The following ETV3 variants were observed in gnomAD, a reference collection of about 807,000 sequenced individuals.
ETV3 encodes the protein ETS variant transcription factor 3, also known as ETS translocation variant 3.
ETV3 carries 8 observed loss-of-function variants against 33.0 expected under a neutral mutation model. That is an observed-to-expected ratio of 0.24 (90% CI 0.14 to 0.44). ETV3 has a LOEUF of 0.44. Among genes scored for constraint, ETV3 ranks in the 20% least tolerant of loss-of-function variants. The pLI, the probability that ETV3 is intolerant of heterozygous loss-of-function variation, is 1.00. For missense variants in ETV3, 473 were observed against 652.3 expected, an observed-to-expected ratio of 0.73 and a Z score of 2.99; for synonymous variants, 222 against 238.9, an observed-to-expected ratio of 0.93 and a Z score of 0.65.
intron 4 of ETV3, among the ~76,000 whole-genome samples, chr1:157,132,223 T>C (rs1571700168): frequency 6.6e-6 from 1 of 152,250 alleles, no homozygotes; most frequent in Non-Finnish European, 1.5e-5. Context: ...GTTGGGATTA[T>C]AGGCATGAGC....
chr1:157,126,676 C>A (rs1015607601), intron 4 of ETV3, among the ~76,000 whole-genome samples: 1 of 152,188 alleles, frequency 6.6e-6, no homozygotes, highest in African/African-American at 2.4e-5. Context: ...CAGAGCTGCC[C>A]TGGCTGACTG....
Position 157,125,558 on chromosome 1 carries a change from G to C in ETV3, c.822C>G (p.Phe274Leu). The change falls in exon 5 of 5, where the codon TTC becomes TTG. Residue 274 changes from phenylalanine (F) to leucine (L), a missense_variant. Phe to Leu is a conservative substitution (Grantham distance 22). This residue lies in a region of ETV3 where 410 missense variants were observed against 520.2 expected (regional missense o/e 0.79). Transcript: ENST00000368192. This position sits in a 1 kb window ranked among gnomAD's most constrained non-coding sequence, Gnocchi z 4.0. ...TCAGGCCTGGTGATGGGCTATAGGA[G>C]AAGATGGTGGGAGTCAGGGAGAGGG... ...SPALSLTPTI[F>L]SYSPSPGLSP... 6.4e-7 allele frequency: 1 copy of C among 1,551,988 alleles called. No individual in the cohort carries two copies. Among genetic ancestry groups the C allele is most frequent in the Non-Finnish European group, 8.7e-7 (1 of 1,147,056 alleles).
chr1:157,136,249 G>T (rs1029826002), intron 2 of ETV3, 58 bp downstream of exon 2: 1 of 1,517,696 alleles, frequency 6.6e-7, no homozygotes, highest in Non-Finnish European at 9.2e-7. Flanking sequence ...AAGTGGAGAG[G>T]ACAGGAACCA....
chr1:157,128,450 G>C, intron 4 of ETV3: 1 of 328,862 alleles, frequency 3.0e-6, no homozygotes, highest in Non-Finnish European at 6.2e-6. Context: ...CACGAGACTG[G>C]GCCTAATCTC....
intron 1 of ETV3, among the ~76,000 whole-genome samples, chr1:157,137,874 A>G (rs1017487176): frequency 2.0e-5 from 3 of 152,138 alleles, no homozygotes; most frequent in East Asian, 3.9e-4. Context: ...CGCCTTTCGC[A>G]TATTCACTGC....
At chr1:157,135,800 A>G in intron 2 of ETV3, 92 bp from the exon 3 acceptor site, 1 of 1,301,818 alleles carries the variant, frequency 7.7e-7, no homozygotes, top group South Asian at 1.3e-5. Context: ...CTCAGAATCT[A>G]GAGTGCTTTG....
At chr1:157,133,853 A>G (rs1307256336) in intron 4 of ETV3, 1 of 1,273,546 alleles carries the variant, frequency 7.9e-7, no homozygotes. Context: ...AGATAGCGTA[A>G]TAGTATCTAG....
chr1:157,132,133 C>G (rs2182464), intron 4 of ETV3, among the ~76,000 whole-genome samples: 111,053 of 152,132 alleles, frequency 0.73, 41,593 homozygotes, highest in African/African-American at 0.89. Context: ...TTTTAGTAGA[C>G]ATGGGGGTTT....
intron 4 of ETV3, among the ~76,000 whole-genome samples, chr1:157,128,198 G>A (rs1276915054): frequency 1.3e-5 from 2 of 152,056 alleles, no homozygotes; most frequent in Non-Finnish European, 2.9e-5. Context: ...CTGGGTGCAT[G>A]GGACTGAGTA....
chr1:157,121,945 A>G lies in ETV3; in HGVS notation c.*2896T>C, dbSNP rs1029176075. Reference sequence around the variant, plus strand: ...ATTCTTCAGGAAAAAAGGTGAGCTCAGCAAGGCTGGATGCCATTAAGAGAT... The same window carrying G: ...ATTCTTCAGGAAAAAAGGTGAGCTCGGCAAGGCTGGATGCCATTAAGAGAT... On this transcript the variant is annotated 3_prime_UTR_variant, in exon 5 of 5. Coordinates refer to ENST00000368192, the MANE Select transcript of ETV3 (RefSeq NM_001145312.3). 2.6e-5 allele frequency: 4 copies of G among 152,264 alleles called. No individual in the cohort carries two copies. Among genetic ancestry groups the G allele is most frequent in the African/African-American group, 9.6e-5 (4 of 41,470 alleles). The allele number at this position is 152,264 out of a possible 1,614,324, so 9.4% of individuals were successfully genotyped here.
At chr1:157,127,246 T>A (rs1433351718) in intron 4 of ETV3, among the ~76,000 whole-genome samples, 1 of 152,268 alleles carries the variant, frequency 6.6e-6, no homozygotes. Context: ...ACACTGACCA[T>A]GTTTTAGTAA....
At chr1:157,132,194 G>T (rs935474412) in intron 4 of ETV3, among the ~76,000 whole-genome samples, 1 of 152,164 alleles carries the variant, frequency 6.6e-6, no homozygotes, top group Non-Finnish European at 1.5e-5. Context: ...GTGATCTGCC[G>T]GCCTTGGCCT....
intron 4 of ETV3, among the ~76,000 whole-genome samples, chr1:157,129,682 A>C (rs933593332): frequency 6.6e-6 from 1 of 152,194 alleles, no homozygotes; most frequent in Admixed American, 6.5e-5. Context: ...TACAGTGGCT[A>C]CAATTCTACC....
At chr1:157,126,031 A>G (rs542245979) in intron 4 of ETV3, 52 bp from the exon 5 acceptor site, 17 of 1,436,504 alleles carry the variant, frequency 1.2e-5, no homozygotes, top group Non-Finnish European at 1.6e-5. Flanking sequence ...CTCATTCATT[A>G]TCATCACTTA....
Position 157,125,315 on chromosome 1 carries a change from G to C in ETV3, c.1065C>G (p.Asn355Lys). ...KLQPPPVGRK[N>K]RERVESSEES... ...CCTCGCTGCTCTCAACCCTCTCCCGGTTCTTCCGCCCAACTGGTGGGGGCT... is the reference window on the plus strand; with the variant it reads ...CCTCGCTGCTCTCAACCCTCTCCCGCTTCTTCCGCCCAACTGGTGGGGGCT... Residue 355 changes from asparagine to lysine, a missense_variant, in exon 5 of 5, where the codon AAC (asparagine) becomes AAG (lysine). By Grantham distance (94) the Asn-to-Lys change is moderately conservative (BLOSUM62 0). Transcript: ENST00000368192. This position sits in a 1 kb window ranked among gnomAD's most constrained non-coding sequence, Gnocchi z 4.0. The C allele has an allele frequency of 6.4e-7, 1 of 1,551,972 alleles. No individual in the cohort carries two copies. Among genetic ancestry groups the C allele is most frequent in the Non-Finnish European group, 8.7e-7 (1 of 1,147,076 alleles).
chr1:157,135,392 C>G, intron 3 of ETV3, 79 bp downstream of exon 3: 1 of 1,518,070 alleles, frequency 6.6e-7, no homozygotes, highest in Non-Finnish European at 9.0e-7. Context: ...TTACCTGATA[C>G]CCTTTTTATC....
intron 4 of ETV3, among the ~76,000 whole-genome samples, chr1:157,131,422 G>A (rs1479989492): frequency 6.6e-6 from 1 of 152,170 alleles, no homozygotes; most frequent in Non-Finnish European, 1.5e-5. Flanking sequence ...TCTATTTAGA[G>A]TACTTATCAC....
At chr1:157,128,288 T>A (rs1488547544) in intron 4 of ETV3, 1 of 156,544 alleles carries the variant, frequency 6.4e-6, no homozygotes, top group African/African-American at 2.4e-5. Context: ...TTTAAGCCAC[T>A]GATTTAGAGA....
intron 4 of ETV3, among the ~76,000 whole-genome samples, chr1:157,126,464 T>C (rs1234745278): frequency 6.6e-6 from 1 of 152,210 alleles, no homozygotes; most frequent in Admixed American, 6.5e-5. Context: ...CATATATATA[T>C]ATTCGTGTGT....
Sources: allele counts gnomAD v4.1 joint callset (sites outside exome capture counted in the v4.1 genomes callset), GRCh38; gene constraint gnomAD v4.1.1; regional missense constraint gnomAD v4.1.1; non-coding constraint Gnocchi (gnomAD v3.1); transcripts MANE v1.5; gene names NCBI Gene and HGNC (gene_info 2026-07-23, HGNC 2026-07-21).